COL20A1: variants seen among roughly 807,000 people sequenced by gnomAD.
COL20A1 encodes collagen alpha-1(XX) chain.
Under a neutral mutation model 152.9 loss-of-function variants are expected in COL20A1, and 164 were observed. That is an observed-to-expected ratio of 1.07 (90% confidence interval 0.94 to 1.22). COL20A1 has a LOEUF of 1.22. Among genes scored for constraint, COL20A1 ranks in the 50% most tolerant of loss-of-function variants. The pLI is 0.00. For synonymous variants in COL20A1, 864 were observed against 756.0 expected, an observed-to-expected ratio of 1.14 and a Z score of -2.34; for missense variants, 1,873 against 1,744.8, an observed-to-expected ratio of 1.07 and a Z score of -1.31.
In COL20A1 at chr20:63,332,204, G is replaced by A. The variant is rs2068341690; in HGVS notation, c.*1488G>A. 6.6e-6 allele frequency: 1 copy of A among 152,314 alleles called. No individual in the cohort carries two copies. Among genetic ancestry groups the A allele is most frequent in the African/African-American group, 2.4e-5 (1 of 41,464 alleles). 9.4% of individuals were successfully genotyped at this position (152,314 alleles called of 1,614,324 possible). A position where few individuals can be genotyped will look rare whatever the true frequency, so the allele number is the denominator to read the frequency against. ...CAAGGAGAGCATGTGGCCAAAGTAGGTGCAGGTAAAGCAGCATCTGGGGCA... is the reference window on the plus strand; with the variant it reads ...CAAGGAGAGCATGTGGCCAAAGTAGATGCAGGTAAAGCAGCATCTGGGGCA... On this transcript the variant is annotated 3_prime_UTR_variant, in exon 36 of 36. Transcript: ENST00000358894.
At chr20:63,326,029 C>A in intron 29 of COL20A1, 67 bp from the exon 30 acceptor site, 1 of 1,379,964 alleles carries the variant, frequency 7.2e-7, no homozygotes, top group Non-Finnish European at 1.0e-6. Flanking sequence ...TGCTGGGGGG[C>A]TGTCACCATG....
In COL20A1 at chr20:63,326,946, GGACTTCCTGTTGACAGCCCACA is replaced by G. The variant is rs1174826168; in HGVS notation, c.3528+141_3528+162del. Reference sequence around the variant, plus strand: ...CAGGGACTTCCTACTGACCACCTAGGGACTTCCTGTTGACAGCCCACAGACTTCCTGTTGACAGCTTCCTGTT... The same window carrying G: ...CAGGGACTTCCTACTGACCACCTAGGGACTTCCTGTTGACAGCTTCCTGTT... On this transcript the variant is annotated intron_variant, in intron 31 of 35. Coordinates refer to ENST00000358894, the MANE Select transcript of COL20A1 (RefSeq NM_020882.4). 10 of 616,246 alleles carry G rather than the reference GGACTTCCTGTTGACAGCCCACA, an allele frequency of 1.6e-5. No individual in the cohort carries two copies. In the East Asian group the frequency reaches 2.4e-4, roughly 15 times the overall value. 38.2% of individuals were successfully genotyped at this position (616,246 alleles called of 1,614,324 possible).
intron 3 of COL20A1, among the ~76,000 whole-genome samples, chr20:63,300,828 T>C (rs908185812): frequency 1.3e-5 from 2 of 152,262 alleles, no homozygotes; most frequent in Non-Finnish European, 2.9e-5. Context: ...CATTTTGATA[T>C]GTAGAATTTT....
chr20:63,328,584 T>C, intron 34 of COL20A1, 86 bp downstream of exon 34: 1 of 1,304,976 alleles, frequency 7.7e-7, no homozygotes, highest in Non-Finnish European at 1.0e-6. Context: ...GGCTTCAATC[T>C]GTGTCAGCAC....
chr20:63,302,517 C>T (rs1044249442), intron 3 of COL20A1, among the ~76,000 whole-genome samples: 3 of 152,116 alleles, frequency 2.0e-5, no homozygotes, highest in South Asian at 2.1e-4. Flanking sequence ...GACGGGGTTT[C>T]ACTGTGTTGG....
At position 63,311,469 on chromosome 20, in the gene COL20A1, C is replaced by A; in HGVS notation, c.1469C>A (p.Ser490Ter). Residue 490 changes from serine to a stop codon, truncating the protein, a stop_gained, in exon 12 of 36, where the codon TCG (serine) becomes TAG (stop). Transcript: ENST00000358894. LOFTEE classifies it high-confidence loss of function. This position sits in a 1 kb window ranked among gnomAD's most constrained non-coding sequence, Gnocchi z 4.4. ...PRTVHLTWQP[S>*]AGATHYLVRC... ...ACCGTCCACCTCACCTGGCAGCCCT[C>A]GGCCGGGGCCACCCACTACCTGGTG... is the stretch of plus-strand genomic sequence containing the variant. 6.4e-7 allele frequency: 1 copy of A among 1,574,388 alleles called. No homozygotes were observed. The highest frequency in any genetic ancestry group is 8.6e-7 in the Non-Finnish European group (1 of 1,160,492).
chr20:63,295,518 T>A (rs1279216096), intron 2 of COL20A1, among the ~76,000 whole-genome samples: 2 of 152,084 alleles, frequency 1.3e-5, no homozygotes, highest in African/African-American at 2.4e-5. Flanking sequence ...CCTTCCCTCC[T>A]GCCTGCTTCC....
intron 19 of COL20A1, 52 bp downstream of exon 19, chr20:63,314,253 C>T (rs1210074031): frequency 1.3e-6 from 2 of 1,498,688 alleles, no homozygotes; most frequent in East Asian, 2.5e-5. Context: ...CCAGCCGGGC[C>T]CTAGACCCCA....
intron 31 of COL20A1, chr20:63,327,106 A>G: frequency 8.2e-6 from 3 of 365,932 alleles, no homozygotes; most frequent in South Asian, 6.1e-5. Flanking sequence ...CTTCCTGTTG[A>G]CTGCCAGGGA....
In COL20A1 at chr20:63,331,849, C is replaced by G. The variant is rs1045789971; in HGVS notation, c.*1133C>G. 7.2e-5 allele frequency: 11 copies of G among 152,248 alleles called. No individual in the cohort carries two copies. The highest frequency in any genetic ancestry group is 2.4e-4 in the African/African-American group (10 of 41,444). The allele number at this position is 152,248 out of a possible 1,614,324, so 9.4% of individuals were successfully genotyped here. On this transcript the variant is annotated 3_prime_UTR_variant, in exon 36 of 36. Transcript: ENST00000358894. ...ACAGAAGGAAAACCCACCAAGATCA[C>G]CAGTGCAGCATTGCGTGCACCAAAG...
rs755733095 is a variant in COL20A1 at position 63,307,979 on chromosome 20, C to G, written c.664C>G (p.Gln222Glu). The G allele has an allele frequency of 6.2e-7, 1 of 1,612,552 alleles. No homozygotes were observed. The highest frequency in any genetic ancestry group is 8.5e-7 in the Non-Finnish European group (1 of 1,179,710). The part of the protein sequence containing the change: ...GPDKVQVGLT[Q>E]YSGDAQTEWD... ...ATGCCCCTGCTCCCCAGGCCTGACT[C>G]AGTACAGCGGGGATGCTCAGACTGA... Residue 222 changes from glutamine to glutamate, a missense_variant, in exon 7 of 36, where the codon CAG (glutamine) becomes GAG (glutamate). Gln to Glu is a conservative substitution (Grantham distance 29). Transcript: ENST00000358894.
intron 11 of COL20A1, 136 bp downstream of exon 11, chr20:63,310,646 C>A: frequency 9.9e-7 from 1 of 1,012,422 alleles, no homozygotes; most frequent in Non-Finnish European, 1.4e-6. Context: ...CCATCCCCAG[C>A]TTGCTGTGTG....
chr20:63,313,595 G>T lies in COL20A1; in HGVS notation c.2210-148G>T. On this transcript the variant is annotated intron_variant, in intron 17 of 35. Transcript: ENST00000358894. The surrounding 1 kb of genome is among the most constrained non-coding windows in gnomAD (Gnocchi z 5.9). The stretch of plus-strand genomic sequence containing the variant: ...GGGGTGTGGTGTGGTTGTGCCAGGG[G>T]GGTGATGCGGGCTGTGGTAGGGGTG... 1 of 776,388 alleles carries T rather than the reference G, an allele frequency of 1.3e-6. No homozygotes were observed. Among genetic ancestry groups the T allele is most frequent in the South Asian group, 1.9e-5 (1 of 53,410 alleles). The allele number at this position is 776,388 out of a possible 1,614,324, so 48.1% of individuals were successfully genotyped here. A position where few individuals can be genotyped will look rare whatever the true frequency, so the allele number is the denominator to read the frequency against.
Position 63,326,144 on chromosome 20 carries a change from C to A in COL20A1, c.3451C>A (p.Pro1151Thr). 6.2e-7 allele frequency: 1 copy of A among 1,611,782 alleles called. No individual in the cohort carries two copies. Among genetic ancestry groups the A allele is most frequent in the Non-Finnish European group, 8.5e-7 (1 of 1,178,934 alleles). ...TGCTGGCCTGCCTGGACCCCCTGGC[C>A]CCAGGGTAGGCACCGACCTCCCATG... Reference protein sequence around the residue: ...GTAGLPGPPGPRGFQGMAGAR... With the variant: ...GTAGLPGPPGTRGFQGMAGAR... The change falls in exon 30 of 36, where the codon CCC becomes ACC. Residue 1151 changes from proline to threonine, a missense_variant. Physicochemically the swap from Pro to Thr is conservative, Grantham distance 38. Transcript: ENST00000358894.
At position 63,321,956 on chromosome 20, in the gene COL20A1, TG is replaced by T. The variant is rs1337332844; in HGVS notation, c.3241-98del. On this transcript the variant is annotated intron_variant, in intron 26 of 35. Transcript: ENST00000358894. The stretch of plus-strand genomic sequence containing the variant: ...GGACAGTCTGGGGCTGGGTGGGGCA[TG>T]GGGCTCAGGGTGGGCCAGGCATGGG... 1.0e-5 allele frequency: 9 copies of T among 885,132 alleles called. No homozygotes were observed. In the Admixed American group the frequency reaches 2.8e-4, roughly 28 times the overall value. The allele number at this position is 885,132 out of a possible 1,614,324, so 54.8% of individuals were successfully genotyped here.
rs758169470 is a variant in COL20A1 at position 63,308,133 on chromosome 20, C to T, written c.775+43C>T. The T allele has an allele frequency of 3.7e-6, 6 of 1,601,130 alleles. No individual in the cohort carries two copies. The Admixed American group carries it at 1.0e-4, about 27-fold the overall frequency. On this transcript the variant is annotated intron_variant, in intron 7 of 35. Coordinates refer to ENST00000358894, the MANE Select transcript of COL20A1 (RefSeq NM_020882.4). ...CCCTCCCTCTGTCCTGAGGGCGGACCTCCTTCTGCCGCCCTCCCAGATCCC... is the reference window on the plus strand; with the variant it reads ...CCCTCCCTCTGTCCTGAGGGCGGACTTCCTTCTGCCGCCCTCCCAGATCCC...
At chr20:63,307,393 C>T in intron 5 of COL20A1, 97 bp from the exon 6 acceptor site, 1 of 1,211,732 alleles carries the variant, frequency 8.3e-7, no homozygotes, top group South Asian at 1.4e-5. Context: ...GCCCAGCCTG[C>T]CTCACTCTTG....
At chr20:63,304,426 T>C (rs367843567) in intron 3 of COL20A1, among the ~76,000 whole-genome samples, 20 of 109,124 alleles carry the variant, frequency 1.8e-4, no homozygotes, top group South Asian at 3.7e-4. Context: ...CCTCCAGGTG[T>C]GCAGGTGTGG....
Position 63,327,947 on chromosome 20 carries a change from A to T in COL20A1, c.3529-5A>T, listed in dbSNP as rs375175466. On this transcript the variant is annotated splice_region_variant and splice_polypyrimidine_tract_variant and intron_variant, in intron 31 of 35. Transcript: ENST00000358894. ...TGACTTCTTTTCTCTTCCCCTCCTC[A>T]TCAGGGACTGCCAGGGCCCAAAGGG... 4.9e-5 allele frequency: 78 copies of T among 1,597,470 alleles called. 1 individual carries two copies. In the South Asian group the frequency reaches 8.1e-4, roughly 17 times the overall value.
Sources: gnomAD v4.1 joint callset for allele counts (sites outside exome capture counted in the v4.1 genomes callset) on GRCh38, gnomAD v4.1.1 for gene constraint, Gnocchi (gnomAD v3.1) non-coding constraint, MANE v1.5 for transcripts, NCBI Gene and HGNC (gene_info 2026-07-23, HGNC 2026-07-21) for gene names.